The following ZNF605 variants were observed in gnomAD, a reference collection of about 807,000 sequenced individuals.
ZNF605 encodes the protein zinc finger protein 605.
ZNF605 carries 9 observed loss-of-function variants against 7.9 expected under a neutral mutation model. The ratio of observed to expected loss-of-function variants is 1.14; its 90% confidence interval spans 0.68 to 1.98. The LOEUF (loss-of-function observed/expected upper bound fraction) is 1.98, where lower values mean the gene tolerates loss of function less well. ZNF605 is among the 30% of genes most tolerant of loss of function. The pLI, the probability that ZNF605 is intolerant of heterozygous loss-of-function variation, is 0.00. For missense variants in ZNF605, 673 were observed against 762.4 expected, an observed-to-expected ratio of 0.88 and a Z score of 1.38; for synonymous variants, 255 against 260.1, an observed-to-expected ratio of 0.98 and a Z score of 0.19.
At chr12:132,940,128 G>A (rs1234740378) in intron 3 of ZNF605, among the ~76,000 whole-genome samples, 1 of 152,180 alleles carries the variant, frequency 6.6e-6, no homozygotes, top group African/African-American at 2.4e-5. Flanking sequence ...GGGATTACAG[G>A]TGTGAGCCAC....
intron 1 of ZNF605, among the ~76,000 whole-genome samples, chr12:132,951,568 A>T (rs1006808243): frequency 7.8e-6 from 1 of 127,726 alleles, no homozygotes; most frequent in Middle Eastern, 4.6e-3. Flanking sequence ...ATGCACACGT[A>T]TACCATACAC....
chr12:132,929,764 G>A (rs954394440), intron 4 of ZNF605, among the ~76,000 whole-genome samples: 22 of 152,206 alleles, frequency 1.4e-4, no homozygotes, highest in African/African-American at 5.1e-4. Context: ...GGCCAACATG[G>A]TGAAACCCCA....
intron 3 of ZNF605, chr12:132,944,710 A>T (rs940667728): frequency 1.3e-5 from 2 of 152,264 alleles, no homozygotes; most frequent in Non-Finnish European, 2.9e-5. Context: ...AGCTCCAAGA[A>T]ATAGTCCTAG....
At chr12:132,932,555 C>T (rs1952318525) in intron 4 of ZNF605, among the ~76,000 whole-genome samples, 1 of 152,132 alleles carries the variant, frequency 6.6e-6, no homozygotes, top group Non-Finnish European at 1.5e-5. Flanking sequence ...GGTTATGGAG[C>T]ACATCCATTA....
chr12:132,935,503 C>T lies in ZNF605; in HGVS notation c.16-2348G>A, dbSNP rs1412051016. 2.6e-5 allele frequency among the ~76,000 whole-genome samples: 4 copies of T among 152,042 alleles called. No homozygotes were observed. The South Asian group carries it at 6.2e-4, about 24-fold the overall frequency. ...TTCAGGCATCCGGCAGAATCAAATGCAAATTCTATTTAGAGAAAGAGATCA... is the reference window on the plus strand; with the variant it reads ...TTCAGGCATCCGGCAGAATCAAATGTAAATTCTATTTAGAGAAAGAGATCA... On this transcript the variant is annotated intron_variant, in intron 3 of 4. Coordinates refer to ENST00000360187, the MANE Select transcript of ZNF605 (RefSeq NM_183238.4).
chr12:132,949,011 G>T (rs1273371598), intron 1 of ZNF605, among the ~76,000 whole-genome samples: 1 of 151,934 alleles, frequency 6.6e-6, no homozygotes, highest in East Asian at 1.9e-4. Context: ...CGCCTGCTTG[G>T]TATCTGTTGG....
Position 132,943,165 on chromosome 12 carries a change from A to T in ZNF605, c.15+2456T>A, listed in dbSNP as rs111993880. On this transcript the variant is annotated intron_variant, in intron 3 of 4. Coordinates refer to ENST00000360187, the MANE Select transcript of ZNF605 (RefSeq NM_183238.4). ...ATCCCAAGGTCAGGAAATTGAGACC[A>T]TCCTGGCTAACACAGTGAAACCTCG... Among the ~76,000 whole-genome samples the T allele has an allele frequency of 4.6e-3, 704 of 152,150 alleles. 4 individuals are homozygous for T. The highest frequency in any genetic ancestry group is 0.01 in the Middle Eastern group (3 of 294).
chr12:132,934,059 C>G (rs1419787765), intron 3 of ZNF605, among the ~76,000 whole-genome samples: 5 of 151,946 alleles, frequency 3.3e-5, no homozygotes, highest in African/African-American at 1.2e-4. Context: ...GAATTCAAGA[C>G]CAGCCTGGCC....
chr12:132,930,124 A>C (rs1286186653), intron 4 of ZNF605, among the ~76,000 whole-genome samples: 1 of 152,224 alleles, frequency 6.6e-6, no homozygotes, highest in Non-Finnish European at 1.5e-5. Context: ...GCAAACTCCC[A>C]GGCTCAAGTG....
At chr12:132,953,590 C>T (rs2137170024) in intron 1 of ZNF605, among the ~76,000 whole-genome samples, 1 of 152,214 alleles carries the variant, frequency 6.6e-6, no homozygotes. Context: ...CCATGCCCAG[C>T]TAATTTTTGT....
chr12:132,934,925 G>A (rs1285998856), intron 3 of ZNF605, among the ~76,000 whole-genome samples: 1 of 152,052 alleles, frequency 6.6e-6, no homozygotes, highest in Non-Finnish European at 1.5e-5. Context: ...GCTTAGAAAG[G>A]GTCTTTAGAA....
At chr12:132,940,441 C>T (rs2137147391) in intron 3 of ZNF605, among the ~76,000 whole-genome samples, 1 of 152,304 alleles carries the variant, frequency 6.6e-6, no homozygotes, top group South Asian at 2.1e-4. Flanking sequence ...AGGAAAACTG[C>T]CCTCCCCACA....
intron 1 of ZNF605, among the ~76,000 whole-genome samples, chr12:132,953,755 C>T (rs752337911): frequency 1.9e-4 from 29 of 151,894 alleles, no homozygotes; most frequent in Non-Finnish European, 3.5e-4. Flanking sequence ...CCACATTCAC[C>T]GCAAATGGCA....
At position 132,927,155 on chromosome 12, in the gene ZNF605, C is replaced by T; in HGVS notation, c.144G>A (p.Trp48Ter). 1 of 1,552,426 alleles carries T rather than the reference C, an allele frequency of 6.4e-7. No individual in the cohort carries two copies. Among genetic ancestry groups the T allele is most frequent in the Non-Finnish European group, 8.6e-7 (1 of 1,161,592 alleles). The change falls in exon 5 of 5, where the codon TGG becomes TGA. Residue 48 changes from tryptophan to a stop codon, truncating the protein, a stop_gained. Coordinates refer to ENST00000360187, the MANE Select transcript of ZNF605 (RefSeq NM_183238.4). LOFTEE classifies it low-confidence loss of function (END_TRUNC). ...NYSNLVFLEV[W>*]LDNPKMWLRD... ...GGAGCCACATTTTGGGATTATCTAG[C>T]CAGACTTCTAAAAAGAGAAAAAAAT...
In ZNF605 at chr12:132,925,141, G is replaced by A. The variant is rs1210827333; in HGVS notation, c.*232C>T. Reference sequence around the variant, plus strand: ...ACACTAATAAGGTTTTCACCTCAATGAGTCATCCAATATGTAACGAGTAGT... The same window carrying A: ...ACACTAATAAGGTTTTCACCTCAATAAGTCATCCAATATGTAACGAGTAGT... On this transcript the variant is annotated 3_prime_UTR_variant, in exon 5 of 5. Transcript: ENST00000360187. The A allele has an allele frequency of 2.4e-6, 1 of 412,006 alleles. No individual in the cohort carries two copies. Among genetic ancestry groups the A allele is most frequent in the Non-Finnish European group, 4.3e-6 (1 of 233,376 alleles). The allele number at this position is 412,006 out of a possible 1,614,324, so 25.5% of individuals were successfully genotyped here. A position where few individuals can be genotyped will look rare whatever the true frequency, so the allele number is the denominator to read the frequency against.
chr12:132,928,263 C>T (rs1351941988), intron 4 of ZNF605, among the ~76,000 whole-genome samples: 2 of 152,092 alleles, frequency 1.3e-5, no homozygotes, highest in Non-Finnish European at 2.9e-5. Flanking sequence ...CAACTTTACA[C>T]CTGAAAGATA....
intron 3 of ZNF605, among the ~76,000 whole-genome samples, chr12:132,939,083 A>T (rs1418029574): frequency 6.6e-6 from 1 of 151,278 alleles, no homozygotes; most frequent in East Asian, 1.9e-4. Context: ...GACGAGCACC[A>T]CCCCCTGCTC....
chr12:132,933,759 T>C lies in ZNF605; in HGVS notation c.16-604A>G, dbSNP rs1427700651. ...CATTATGCCTTGAGGAAGGAATGTTTTAAAAATATTTATCATTGTGAATTC... is the reference window on the plus strand; with the variant it reads ...CATTATGCCTTGAGGAAGGAATGTTCTAAAAATATTTATCATTGTGAATTC... On this transcript the variant is annotated intron_variant, in intron 3 of 4. Transcript: ENST00000360187. The surrounding 1 kb of genome is among the most constrained non-coding windows in gnomAD (Gnocchi z 4.4). Among the ~76,000 whole-genome samples, 2 of 152,246 alleles carry C rather than the reference T, an allele frequency of 1.3e-5. No individual in the cohort carries two copies. Among genetic ancestry groups the C allele is most frequent in the Non-Finnish European group, 2.9e-5 (2 of 68,048 alleles).
rs1451245317 is a variant in ZNF605, at chr12:132,952,341, A to G, written c.-286+3902T>C. Among the ~76,000 whole-genome samples, 7 of 151,488 alleles carry G rather than the reference A, an allele frequency of 4.6e-5. No homozygotes were observed. The East Asian group carries it at 9.7e-4, about 21-fold the overall frequency. ...CCGGGCATGGTGGCGGGCACCTGTA[A>G]TCCCAGCTACTGGGGGCGTTGAGGC... On this transcript the variant is annotated intron_variant, in intron 1 of 4. Coordinates refer to ENST00000360187, the MANE Select transcript of ZNF605 (RefSeq NM_183238.4).
Sources: allele counts gnomAD v4.1 joint callset (sites outside exome capture counted in the v4.1 genomes callset), GRCh38; gene constraint gnomAD v4.1.1; non-coding constraint Gnocchi (gnomAD v3.1); transcripts MANE v1.5; gene names NCBI Gene and HGNC (gene_info 2026-07-23, HGNC 2026-07-21).